TET2: variants seen among roughly 807,000 people sequenced by gnomAD.
The protein encoded by TET2 is tet methylcytosine dioxygenase 2.
TET2 carries 299 observed loss-of-function variants against 142.9 expected under a neutral mutation model. That is an observed-to-expected ratio of 2.09 (90% CI 1.90 to 2.30). The LOEUF (loss-of-function observed/expected upper bound fraction) is 2.30. TET2 is among the 30% of genes most tolerant of loss of function. The pLI, the probability that TET2 is intolerant of heterozygous loss-of-function variation, is 0.00. For missense variants in TET2, 2,418 were observed against 2,378.0 expected (o/e 1.02, Z -0.35); for synonymous variants, 819 against 849.0 (o/e 0.96, Z 0.61).
chr4:105,154,622 T>C (rs1191948789), intron 1 of TET2, among the ~76,000 whole-genome samples: 1 of 152,152 alleles, frequency 6.6e-6, no homozygotes, highest in African/African-American at 2.4e-5. Context: ...CAATAGATAG[T>C]GATAGGTTAT....
Position 105,233,973 on chromosome 4 carries a change from G to A in TET2, c.31G>A (p.Gly11Ser), listed in dbSNP as rs775632921. 2 of 1,613,960 alleles carry A rather than the reference G, an allele frequency of 1.2e-6. No individual in the cohort carries two copies. Among genetic ancestry groups the A allele is most frequent in the Middle Eastern group, 3.3e-4 (2 of 6,062 alleles). The change falls in exon 3 of 11, where the codon GGC (glycine) becomes AGC (serine). Residue 11 changes from glycine (G) to serine (S), a missense_variant. Physicochemically the swap from Gly to Ser is moderately conservative, Grantham distance 56 (BLOSUM62 0). Transcript: ENST00000380013. Reference protein sequence around the residue: MEQDRTNHVEGNRLSPFLIPS... With the variant: MEQDRTNHVESNRLSPFLIPS... ...ACAGGATAGAACCAACCATGTTGAG[G>A]GCAACAGACTAAGTCCATTCCTGAT...
intron 6 of TET2, among the ~76,000 whole-genome samples, chr4:105,248,054 A>T (rs914263928): frequency 6.6e-6 from 1 of 152,198 alleles, no homozygotes; most frequent in Non-Finnish European, 1.5e-5. Context: ...GTGTGCATGT[A>T]TAGTATACAT....
Position 105,237,390 on chromosome 4 carries a change from C to T in TET2, c.3409+39C>T, listed in dbSNP as rs767387933. 55 of 1,614,008 alleles carry T rather than the reference C, an allele frequency of 3.4e-5. No homozygotes were observed. In the African/African-American group the frequency reaches 6.3e-4, roughly 18 times the overall value. ...ATGTACTGAGACACATGGCGTTTAT[C>T]CAGAATTAGCAAATTTATCTTCAGA... On this transcript the variant is annotated intron_variant, in intron 3 of 10. Coordinates refer to ENST00000380013, the MANE Select transcript of TET2 (RefSeq NM_001127208.3).
chr4:105,179,086 C>A (rs1410993150), intron 1 of TET2, among the ~76,000 whole-genome samples: 1 of 152,102 alleles, frequency 6.6e-6, no homozygotes, highest in African/African-American at 2.4e-5. Context: ...AGCATGGGGG[C>A]AACTGCCCCC....
At chr4:105,171,668 G>A (rs544858189) in intron 1 of TET2, 3 of 152,308 alleles carry the variant, frequency 2.0e-5, no homozygotes, top group African/African-American at 7.2e-5. Context: ...TCTTGATAAA[G>A]GATGCTGGTC....
intron 2 of TET2, among the ~76,000 whole-genome samples, chr4:105,213,847 C>T (rs970616152): frequency 2.0e-5 from 3 of 152,070 alleles, no homozygotes; most frequent in Non-Finnish European, 4.4e-5. Flanking sequence ...CTCACAGGCT[C>T]AATAAGTAAT....
intron 1 of TET2, among the ~76,000 whole-genome samples, chr4:105,153,779 G>A (rs1171738679): frequency 1.3e-5 from 2 of 152,308 alleles, no homozygotes; most frequent in Middle Eastern, 3.4e-3. Context: ...CTGTAAAAGT[G>A]TATAATGTGG....
At chr4:105,157,698 G>T (rs1365718142) in intron 1 of TET2, among the ~76,000 whole-genome samples, 3 of 151,766 alleles carry the variant, frequency 2.0e-5, no homozygotes, top group Non-Finnish European at 4.4e-5. Context: ...TTATTTTTTG[G>T]TAGAGTCTCA....
intron 9 of TET2, among the ~76,000 whole-genome samples, chr4:105,270,934 A>C (rs1243984202): frequency 2.6e-5 from 4 of 152,188 alleles, no homozygotes; most frequent in Non-Finnish European, 5.9e-5. Context: ...ATTAGATGAT[A>C]GCTGAAGTAA....
intron 2 of TET2, among the ~76,000 whole-genome samples, chr4:105,230,764 T>C (rs1578662042): frequency 1.3e-5 from 2 of 152,338 alleles, no homozygotes; most frequent in Non-Finnish European, 2.9e-5. Context: ...TTGGCACATA[T>C]AAATTTTAGC....
intron 1 of TET2, among the ~76,000 whole-genome samples, chr4:105,178,490 T>G (rs1724933999): frequency 6.6e-6 from 1 of 152,180 alleles, no homozygotes; most frequent in Admixed American, 6.5e-5. Flanking sequence ...ACTATAGTGG[T>G]GGATCCATGT....
At position 105,268,488 on chromosome 4, in the gene TET2, C is replaced by T. The variant is rs563958185; in HGVS notation, c.4045-1122C>T. ...CCCAAACTAATCAATATGTTCAATA[C>T]ATGATGTTTCAAAACCCCAGCAGGT... On this transcript the variant is annotated intron_variant, in intron 8 of 10. Transcript: ENST00000380013. 4.6e-5 allele frequency among the ~76,000 whole-genome samples: 7 copies of T among 152,222 alleles called. No individual in the cohort carries two copies. The East Asian group carries it at 1.2e-3, about 25-fold the overall frequency.
In TET2 at chr4:105,276,123, TC is replaced by T; in HGVS notation, c.5614del (p.Leu1872SerfsTer15). 1 of 1,551,582 alleles carries T rather than the reference TC, an allele frequency of 6.4e-7. No individual in the cohort carries two copies. The highest frequency in any genetic ancestry group is 8.7e-7 in the Non-Finnish European group (1 of 1,146,950). On this transcript the variant is annotated frameshift_variant, in exon 11 of 11. Coordinates refer to ENST00000380013, the MANE Select transcript of TET2 (RefSeq NM_001127208.3). LOFTEE classifies it high-confidence loss of function. The part of the protein sequence containing the change: ...VAVAPTHGSI[L>X]IECAKRELHA... The stretch of plus-strand genomic sequence containing the variant: ...CCGTGGCTCCAACTCATGGGTCAAT[TC>T]TCATTGAGTGTGCAAAGCGTGAGCT...
chr4:105,163,854 A>AGAGAGAGAGAGAGAGT (rs1553942671), intron 1 of TET2, among the ~76,000 whole-genome samples: 13 of 85,228 alleles, frequency 1.5e-4, no homozygotes, highest in South Asian at 4.7e-4. Context: ...AGAGAGAGAG[A>AGAGAGAGAGAGAGAGT]GTGTGTGTGT....
At chr4:105,172,878 A>T (rs1263781965) in intron 1 of TET2, among the ~76,000 whole-genome samples, 1 of 152,218 alleles carries the variant, frequency 6.6e-6, no homozygotes, top group Non-Finnish European at 1.5e-5. Context: ...GAAGTATTCT[A>T]GTAGATGACA....
chr4:105,275,664 AG>A lies in TET2; in HGVS notation c.5157del (p.Lys1720AsnfsTer25), dbSNP rs1261222551. 1.3e-6 allele frequency: 2 copies of A among 1,551,984 alleles called. No homozygotes were observed. The highest frequency in any genetic ancestry group is 8.7e-7 in the Non-Finnish European group (1 of 1,147,034). On this transcript the variant is annotated frameshift_variant, in exon 11 of 11. Transcript: ENST00000380013. LOFTEE classifies it low-confidence loss of function (END_TRUNC). ...CTIRPNVHHV[G>X]KLPPYPTHEM... Reference sequence around the variant, plus strand: ...CCATTAGACCAAATGTACATCATGTAGGGAAATTGCCTCCTTATCCCACTCA... The same window carrying A: ...CCATTAGACCAAATGTACATCATGTAGGAAATTGCCTCCTTATCCCACTCA...
In TET2 at chr4:105,275,932, AG is replaced by A; in HGVS notation, c.5423del (p.Arg1808LysfsTer12). 1.3e-6 allele frequency: 2 copies of A among 1,552,040 alleles called. No individual in the cohort carries two copies. The highest frequency in any genetic ancestry group is 1.7e-6 in the Non-Finnish European group (2 of 1,147,042). On this transcript the variant is annotated frameshift_variant, in exon 11 of 11. Coordinates refer to ENST00000380013, the MANE Select transcript of TET2 (RefSeq NM_001127208.3). LOFTEE classifies it low-confidence loss of function (END_TRUNC). ...GATGCTTCCAGCTCTTAACCATGAT[AG>A]AACTGCTTGTGTCCAAGGAGGCTTA... is the stretch of plus-strand genomic sequence containing the variant. ...SKMLPALNHDRTACVQGGLHK... is the reference protein window; with the variant it reads ...SKMLPALNHDXTACVQGGLHK...
At chr4:105,177,579 T>TA (rs1351146773) in intron 1 of TET2, 1 of 152,194 alleles carries the variant, frequency 6.6e-6, no homozygotes, top group Non-Finnish European at 1.5e-5. Flanking sequence ...AACAATGAGA[T>TA]ACCGCTACAT....
At chr4:105,206,409 C>T (rs758060143) in intron 2 of TET2, among the ~76,000 whole-genome samples, 5 of 152,200 alleles carry the variant, frequency 3.3e-5, no homozygotes, top group Non-Finnish European at 5.9e-5. Flanking sequence ...AGACAGTGAC[C>T]TACTGTTGAG....
Sources: gnomAD v4.1 joint callset for allele counts (sites outside exome capture counted in the v4.1 genomes callset) on GRCh38, gnomAD v4.1.1 for gene constraint, MANE v1.5 for transcripts, NCBI Gene and HGNC (gene_info 2026-07-23, HGNC 2026-07-21) for gene names.